CPLANE1: variants seen among roughly 807,000 people sequenced by gnomAD.
The protein encoded by CPLANE1 is ciliogenesis and planar polarity effector 1.
CPLANE1 carries 263 observed loss-of-function variants against 362.5 expected under a neutral mutation model. The observed-to-expected ratio is 0.73, with a 90% CI of 0.66 to 0.80. CPLANE1 has a LOEUF of 0.80. Among genes scored for constraint, CPLANE1 ranks in the 30% least tolerant of loss-of-function variants. CPLANE1 has a pLI of 0.00. For missense variants in CPLANE1, 3,461 were observed against 3,793.4 expected (o/e 0.91, Z 2.30); for synonymous variants, 1,212 against 1,302.6 (o/e 0.93, Z 1.50).
At position 37,153,972 on chromosome 5, in the gene CPLANE1, C is replaced by T. The variant is rs765750324; in HGVS notation, c.8141G>A (p.Arg2714Gln). The T allele has an allele frequency of 4.3e-6, 7 of 1,610,320 alleles. No individual in the cohort carries two copies. The highest frequency in any genetic ancestry group is 1.6e-4 in the Middle Eastern group (1 of 6,066). ...QNKGLPKPEF[R>Q]FKGQSTKSDS... Reference sequence around the variant, plus strand: ...TGACTTTGTGCTCTGTCCTTTGAATCGGAACTCTGGTTTTGGCAGACCTAA... The same window carrying T: ...TGACTTTGTGCTCTGTCCTTTGAATTGGAACTCTGGTTTTGGCAGACCTAA... Residue 2714 changes from arginine to glutamine, a missense_variant, in exon 42 of 53, where the codon CGA becomes CAA. Arg to Gln is a conservative substitution (Grantham distance 43, BLOSUM62 1). Transcript: ENST00000651892.
chr5:37,147,998 A>AAAAAAAAAG (rs1772234949), intron 43 of CPLANE1, among the ~76,000 whole-genome samples, 183 bp downstream of exon 43: 1 of 148,832 alleles, frequency 6.7e-6, no homozygotes, highest in Admixed American at 6.6e-5. Context: ...AAAAAAAAAA[A>AAAAAAAAAG]GGCCGTGAGG....
chr5:37,113,679 G>A (rs1475970726), intron 51 of CPLANE1, among the ~76,000 whole-genome samples: 1 of 152,218 alleles, frequency 6.6e-6, no homozygotes. Context: ...TAGGTAAAAA[G>A]AGATGGGGTA....
Position 37,230,190 on chromosome 5 carries a change from A to C in CPLANE1, c.1121+677T>G, listed in dbSNP as rs139106352. ...AACTCCGTCTCAAGAAAAAAAAAAT[A>C]AATAAAACTAAGAATGAAAATTTAA... On this transcript the variant is annotated intron_variant, in intron 9 of 52. Transcript: ENST00000651892. Among the ~76,000 whole-genome samples the C allele has an allele frequency of 2.5e-3, 384 of 151,832 alleles. 3 individuals carry two copies. Among genetic ancestry groups the C allele is most frequent in the African/African-American group, 8.8e-3 (365 of 41,464 alleles).
At chr5:37,080,749 A>C in the CPLANE1 span, among the ~76,000 whole-genome samples, 1 of 152,194 alleles carries the variant, frequency 6.6e-6, no homozygotes, top group Non-Finnish European at 1.5e-5. Context: ...TACTCCAGAC[A>C]TCCAGCTTAG....
rs1355346945 is a variant in CPLANE1 at position 37,106,549 on chromosome 5, A to G, written c.*1053T>C. On this transcript the variant is annotated 3_prime_UTR_variant, in exon 53 of 53. Transcript: ENST00000651892. ...AAATATTTTAAATGACAAAACAATT[A>G]AATGACAATTAACAATAATGTTAGC... 2.3e-6 allele frequency: 1 copy of G among 431,000 alleles called. No homozygotes were observed. The highest frequency in any genetic ancestry group is 3.1e-6 in the Non-Finnish European group (1 of 323,068). The allele number at this position is 431,000 out of a possible 1,614,324, so 26.7% of individuals were successfully genotyped here. A position where few individuals can be genotyped will look rare whatever the true frequency, so the allele number is the denominator to read the frequency against.
At chr5:37,158,927 G>A (rs2150736313) in intron 38 of CPLANE1, among the ~76,000 whole-genome samples, 1 of 151,196 alleles carries the variant, frequency 6.6e-6, no homozygotes, top group South Asian at 2.1e-4. Flanking sequence ...GAGACTACAG[G>A]CACCCACCAC....
At chr5:37,141,669 T>C in intron 44 of CPLANE1, 1 of 983,796 alleles carries the variant, frequency 1.0e-6, no homozygotes, top group African/African-American at 1.7e-5. Flanking sequence ...ACCATCAATA[T>C]CTGAGAGAAA....
intron 42 of CPLANE1, among the ~76,000 whole-genome samples, chr5:37,151,523 G>C (rs1244512209): frequency 2.0e-5 from 3 of 152,148 alleles, no homozygotes; most frequent in Non-Finnish European, 4.4e-5. Context: ...GGCAGTAGTT[G>C]CTCAATAAAT....
chr5:37,211,681 C>G (rs188159460), intron 16 of CPLANE1: 48 of 785,010 alleles, frequency 6.1e-5, no homozygotes, highest in African/African-American at 3.9e-4. Context: ...AGAATGCCCC[C>G]GCCATCACCC....
intron 31 of CPLANE1, 40 bp from the exon 32 acceptor site, chr5:37,173,987 T>G (rs1199270647): frequency 6.5e-7 from 1 of 1,541,286 alleles, no homozygotes; most frequent in Non-Finnish European, 8.9e-7. Flanking sequence ...TGCATTAAAA[T>G]TGACAAAAAA....
At position 37,169,172 on chromosome 5, in the gene CPLANE1, C is replaced by T; in HGVS notation, c.6852G>A (p.Leu2284=). 6.2e-7 allele frequency: 1 copy of T among 1,614,076 alleles called. No homozygotes were observed. ...RAAQTTPASH[L]NVSQYNTEAR... ...CTTCAGTGTTATACTGGCTTACATT[C>T]AAATGGGATGCTGGAGTAGTTTGTG... The change falls in exon 34 of 53, where the codon TTG becomes TTA. Residue 2284 remains leucine (L), a synonymous_variant. Transcript: ENST00000651892.
At chr5:37,169,625 G>T in intron 33 of CPLANE1, 64 bp from the exon 34 acceptor site, 1 of 1,402,168 alleles carries the variant, frequency 7.1e-7, no homozygotes, top group Non-Finnish European at 9.7e-7. Context: ...CTTTGTAAAT[G>T]GCATTCAGTA....
chr5:37,172,733 C>A (rs1780134621), intron 32 of CPLANE1, among the ~76,000 whole-genome samples: 2 of 152,222 alleles, frequency 1.3e-5, no homozygotes, highest in Non-Finnish European at 2.9e-5. Context: ...CGCCTGTAAT[C>A]CTAGCACTTT....
the CPLANE1 span, chr5:37,085,316 T>C: frequency 8.3e-7 from 1 of 1,205,554 alleles, no homozygotes; most frequent in East Asian, 2.3e-5. Flanking sequence ...GATTCATGGA[T>C]GTCATCAGCA....
intron 36 of CPLANE1, among the ~76,000 whole-genome samples, chr5:37,164,916 G>C (rs1430466118): frequency 2.0e-5 from 3 of 152,046 alleles, no homozygotes; most frequent in Non-Finnish European, 2.9e-5. Flanking sequence ...ACCAGCCTGG[G>C]CAACACAGCA....
intron 14 of CPLANE1, among the ~76,000 whole-genome samples, chr5:37,222,637 C>T (rs748154349): frequency 2.0e-5 from 3 of 152,200 alleles, no homozygotes; most frequent in Non-Finnish European, 2.9e-5. Context: ...TAATGGAACT[C>T]ATTACAAAAA....
intron 4 of CPLANE1, among the ~76,000 whole-genome samples, chr5:37,245,139 G>A (rs530757592): frequency 3.4e-5 from 5 of 147,486 alleles, no homozygotes; most frequent in East Asian, 3.9e-4. Flanking sequence ...GCGAGACTCC[G>A]TCTCAAAAAA....
chr5:37,213,765 T>C lies in CPLANE1; in HGVS notation c.2747-33A>G, dbSNP rs747985206. ...ATACAGCAATGACCTAAGAAGATTG[T>C]GATCAACTACCAAAAGTAATAATAT... On this transcript the variant is annotated intron_variant, in intron 15 of 52. Transcript: ENST00000651892. 20 of 1,371,962 alleles carry C rather than the reference T, an allele frequency of 1.5e-5. No homozygotes were observed. The African/African-American group carries it at 2.1e-4, about 14-fold the overall frequency. The allele number at this position is 1,371,962 out of a possible 1,614,324, so 85.0% of individuals were successfully genotyped here.
At chr5:37,247,390 C>T (rs555792268) in intron 2 of CPLANE1, among the ~76,000 whole-genome samples, 1 of 152,122 alleles carries the variant, frequency 6.6e-6, no homozygotes, top group African/African-American at 2.4e-5. Context: ...AAGTAAAAAT[C>T]TTCTAAATAA....
Sources: gnomAD v4.1 joint callset for allele counts (sites outside exome capture counted in the v4.1 genomes callset) on GRCh38, gnomAD v4.1.1 for gene constraint, MANE v1.5 for transcripts, NCBI Gene and HGNC (gene_info 2026-07-23, HGNC 2026-07-21) for gene names.